Variants in UROC1 observed in about 807,000 individuals in gnomAD.
The protein encoded by UROC1 is urocanate hydratase 1.
UROC1 carries 79 observed loss-of-function variants against 89.5 expected under a neutral mutation model. The observed-to-expected ratio is 0.88, with a 90% CI of 0.74 to 1.06. The LOEUF (loss-of-function observed/expected upper bound fraction) is 1.06. UROC1 is among the 50% of genes least tolerant of loss of function. The probability of loss-of-function intolerance (pLI) is 0.00; values close to 1 mark genes in which losing one functional copy is unlikely to be tolerated. For synonymous variants in UROC1, 361 were observed against 354.8 expected (o/e 1.02, Z -0.20); for missense variants, 885 against 907.8 (o/e 0.97, Z 0.32).
rs546358586 is a variant in UROC1 at position 126,503,878 on chromosome 3, A to G, written c.902+117T>C. 4 of 1,064,872 alleles carry G rather than the reference A, an allele frequency of 3.8e-6. No homozygotes were observed. The South Asian group carries it at 5.0e-5, about 13-fold the overall frequency. 66.0% of individuals were successfully genotyped at this position (1,064,872 alleles called of 1,614,324 possible). A position where few individuals can be genotyped will look rare whatever the true frequency, so the allele number is the denominator to read the frequency against. Reference sequence around the variant, plus strand: ...GCATGTATGTGTGGTGCCCACATGTAGCCAGCTGTCAGGCATTAAACAGGC... The same window carrying G: ...GCATGTATGTGTGGTGCCCACATGTGGCCAGCTGTCAGGCATTAAACAGGC... On this transcript the variant is annotated intron_variant, in intron 9 of 19. Transcript: ENST00000290868.
chr3:126,496,105 T>G lies in UROC1; in HGVS notation c.1442A>C (p.Lys481Thr). The change falls in exon 15 of 20, where the codon AAG becomes ACG. Residue 481 changes from lysine to threonine, a missense_variant. By Grantham distance (78) the Lys-to-Thr change is moderately conservative (BLOSUM62 -1). Coordinates refer to ENST00000290868, the MANE Select transcript of UROC1 (RefSeq NM_144639.3). ...CATGTACTGCAGCTTCACAGACACC[T>G]TCACTGCAGGAGAGAGGACAGCAGG... Reference protein sequence around the residue: ...VLEEAIADGVKVSVKLQYMDN... With the variant: ...VLEEAIADGVTVSVKLQYMDN... 2.5e-6 allele frequency: 4 copies of G among 1,612,894 alleles called. No individual in the cohort carries two copies. The highest frequency in any genetic ancestry group is 3.4e-6 in the Non-Finnish European group (4 of 1,179,806).
intron 19 of UROC1, among the ~76,000 whole-genome samples, 193 bp downstream of exon 19, chr3:126,483,176 T>C (rs1376274852): frequency 6.6e-6 from 1 of 152,232 alleles, no homozygotes; most frequent in Admixed American, 6.5e-5. Context: ...GGGTCCCACC[T>C]GTCTCCCCAT....
rs781163215 is a variant in UROC1, at chr3:126,498,113, TG to T, written c.1375del (p.Gln459ArgfsTer22). ...FRWVCTSGDP[Q>X]DLAVTDELAT... is the part of the protein sequence containing the mutation. ...CAGTTCGTCTGTGACCGCCAGGTCC[TG>T]GGGGTCCCCCGATGTGCACACCCAG... is the stretch of plus-strand genomic sequence containing the variant. On this transcript the variant is annotated frameshift_variant, in exon 14 of 20. Coordinates refer to ENST00000290868, the MANE Select transcript of UROC1 (RefSeq NM_144639.3). LOFTEE classifies it high-confidence loss of function. The T allele has an allele frequency of 1.2e-6, 2 of 1,614,052 alleles. No individual in the cohort carries two copies. Among genetic ancestry groups the T allele is most frequent in the African/African-American group, 2.7e-5 (2 of 74,942 alleles).
chr3:126,508,099 G>A lies in UROC1; in HGVS notation c.412-4C>T. The A allele has an allele frequency of 6.2e-7, 1 of 1,613,728 alleles. No homozygotes were observed. The highest frequency in any genetic ancestry group is 1.1e-5 in the South Asian group (1 of 91,066). On this transcript the variant is annotated splice_polypyrimidine_tract_variant and splice_region_variant and intron_variant, in intron 4 of 19. Transcript: ENST00000290868. ...AGTAGAACATGGTCAGCCAGAACTG[G>A]GGGAAGAGCAGAGCGTGGGGATTCT...
chr3:126,502,799 T>A (rs1215339721), intron 9 of UROC1, among the ~76,000 whole-genome samples: 1 of 151,552 alleles, frequency 6.6e-6, no homozygotes, highest in Non-Finnish European at 1.5e-5. Context: ...GTGTGTGCTG[T>A]GTTCTCTGTG....
At chr3:126,517,483 T>C (rs2107555411) in intron 1 of UROC1, 111 bp downstream of exon 1, 2 of 1,546,592 alleles carry the variant, frequency 1.3e-6, no homozygotes, top group East Asian at 4.6e-5. Context: ...GAGTCCAGGG[T>C]GGGCGGCTGA....
intron 9 of UROC1, chr3:126,501,912 C>T (rs1935932270): frequency 6.3e-7 from 1 of 1,598,948 alleles, no homozygotes; most frequent in African/African-American, 1.3e-5. Flanking sequence ...GGAGGCCGGC[C>T]CAGCCCAGGG....
chr3:126,497,618 G>C lies in UROC1; in HGVS notation c.1438+433C>G, dbSNP rs1426819647. Among the ~76,000 whole-genome samples the C allele has an allele frequency of 2.6e-5, 4 of 152,216 alleles. No individual in the cohort carries two copies. The East Asian group carries it at 5.8e-4, about 22-fold the overall frequency. On this transcript the variant is annotated intron_variant, in intron 14 of 19. Coordinates refer to ENST00000290868, the MANE Select transcript of UROC1 (RefSeq NM_144639.3). ...GCACTGCCCTGGCCACGTGGAGGGGGAGGCTGGGTCTGAGAGGGACTGTGG... is the reference window on the plus strand; with the variant it reads ...GCACTGCCCTGGCCACGTGGAGGGGCAGGCTGGGTCTGAGAGGGACTGTGG...
intron 6 of UROC1, 67 bp from the exon 7 acceptor site, chr3:126,506,078 T>C: frequency 6.3e-7 from 1 of 1,581,140 alleles, no homozygotes. Flanking sequence ...TCCCAGCCAC[T>C]CCTTTTAGGA....
intron 14 of UROC1, among the ~76,000 whole-genome samples, chr3:126,496,394 G>C (rs1003660876): frequency 6.6e-6 from 1 of 152,224 alleles, no homozygotes; most frequent in African/African-American, 2.4e-5. Flanking sequence ...ACTGAGCAAG[G>C]CACCAGGAAC....
chr3:126,507,003 T>C (rs1936076482), intron 6 of UROC1, among the ~76,000 whole-genome samples: 1 of 151,902 alleles, frequency 6.6e-6, no homozygotes, highest in Non-Finnish European at 1.5e-5. Context: ...CACTTGAACC[T>C]AGGAGGTGGA....
intron 3 of UROC1, among the ~76,000 whole-genome samples, chr3:126,509,088 G>A (rs1041084319): frequency 1.5e-4 from 22 of 151,512 alleles, no homozygotes; most frequent in East Asian, 1.9e-4. Flanking sequence ...TAATATTTTG[G>A]ATCTGGGCAT....
At chr3:126,494,051 G>A (rs752971492) in intron 15 of UROC1, among the ~76,000 whole-genome samples, 36 of 152,164 alleles carry the variant, frequency 2.4e-4, no homozygotes, top group African/African-American at 6.0e-4. Context: ...AAAACTACTC[G>A]TGTGAATCAG....
intron 18 of UROC1, among the ~76,000 whole-genome samples, chr3:126,483,739 C>G (rs976926425): frequency 6.6e-6 from 1 of 152,238 alleles, no homozygotes; most frequent in Non-Finnish European, 1.5e-5. Flanking sequence ...GGAGGTCATC[C>G]CTTGATGGAA....
At chr3:126,496,963 G>A (rs981087263) in intron 14 of UROC1, among the ~76,000 whole-genome samples, 2 of 152,196 alleles carry the variant, frequency 1.3e-5, no homozygotes, top group Middle Eastern at 3.4e-3. Flanking sequence ...AGCAGCTCAG[G>A]GCTTCTTTCC....
At chr3:126,507,201 T>C (rs1350961353) in intron 6 of UROC1, among the ~76,000 whole-genome samples, 3 of 152,206 alleles carry the variant, frequency 2.0e-5, no homozygotes, top group African/African-American at 7.2e-5. Flanking sequence ...CCTAATGGTT[T>C]TGGTTGCACA....
chr3:126,503,785 C>G (rs1020609339), intron 9 of UROC1, among the ~76,000 whole-genome samples: 6 of 152,252 alleles, frequency 3.9e-5, no homozygotes, highest in Non-Finnish European at 5.9e-5. Context: ...GAGGCTTCTG[C>G]CCTATCACCA....
chr3:126,512,586 T>G (rs1203944272), intron 1 of UROC1, among the ~76,000 whole-genome samples: 7 of 152,112 alleles, frequency 4.6e-5, no homozygotes, highest in African/African-American at 1.4e-4. Flanking sequence ...TTGCCAGGCA[T>G]GGTGCATATG....
chr3:126,490,935 G>T (rs1935637249), intron 16 of UROC1, among the ~76,000 whole-genome samples: 1 of 152,178 alleles, frequency 6.6e-6, no homozygotes, highest in South Asian at 2.1e-4. Context: ...AAACTTTTCA[G>T]GTAGCGCTGG....
Sources: allele counts gnomAD v4.1 joint callset (sites outside exome capture counted in the v4.1 genomes callset), GRCh38; gene constraint gnomAD v4.1.1; transcripts MANE v1.5; gene names NCBI Gene and HGNC (gene_info 2026-07-23, HGNC 2026-07-21).